Variants in TANGO2 observed in about 807,000 individuals in gnomAD.
TANGO2 encodes transport and Golgi organization protein 2 homolog.
A neutral mutation model predicts 39.1 loss-of-function variants in TANGO2; 26 were observed. The ratio of observed to expected loss-of-function variants is 0.67; its 90% CI spans 0.49 to 0.92. The LOEUF (loss-of-function observed/expected upper bound fraction) is 0.92, where lower values mean the gene tolerates loss of function less well. TANGO2 is among the 40% of genes least tolerant of loss of function. TANGO2 has a pLI of 0.00. For missense variants in TANGO2, 326 were observed against 360.1 expected (o/e 0.91, Z 0.77); for synonymous variants, 131 against 144.5 (o/e 0.91, Z 0.67).
intron 2 of TANGO2, among the ~76,000 whole-genome samples, chr22:20,039,057 C>A (rs996804652): frequency 2.0e-5 from 3 of 151,616 alleles, no homozygotes; most frequent in African/African-American, 7.3e-5. Flanking sequence ...CCTCCCACTT[C>A]AGCATGCCTA....
chr22:20,031,576 T>TC (rs2041882782), intron 1 of TANGO2, among the ~76,000 whole-genome samples: 1 of 152,206 alleles, frequency 6.6e-6, no homozygotes, highest in African/African-American at 2.4e-5. Context: ...GGCTCTTCCA[T>TC]CCCTGTGGGC....
intron 2 of TANGO2, among the ~76,000 whole-genome samples, chr22:20,041,291 G>A (rs564502524): frequency 1.3e-5 from 2 of 150,310 alleles, no homozygotes; most frequent in South Asian, 2.1e-4. Context: ...GATTACAGGC[G>A]CCCGCCACCA....
chr22:20,050,843 T>G (rs1354410851), intron 3 of TANGO2, among the ~76,000 whole-genome samples: 1 of 80,292 alleles, frequency 1.2e-5, no homozygotes. Flanking sequence ...TTTTGTTGGG[T>G]TTTTTTTTTT....
intron 6 of TANGO2, chr22:20,056,268 G>A (rs2047322744): frequency 1.5e-6 from 1 of 667,944 alleles, no homozygotes; most frequent in African/African-American, 1.8e-5. Flanking sequence ...TCCCACCGCA[G>A]CCCTGCAGCC....
chr22:20,028,253 A>G (rs1341580397), intron 1 of TANGO2, among the ~76,000 whole-genome samples: 1 of 152,186 alleles, frequency 6.6e-6, no homozygotes, highest in Non-Finnish European at 1.5e-5. Context: ...TTGGGACCAC[A>G]GGCATATGCC....
Position 20,064,548 on chromosome 22 carries a change from C to T in TANGO2, c.717C>T (p.Asn239=), listed in dbSNP as rs1348171887. 4.3e-6 allele frequency: 7 copies of T among 1,614,142 alleles called. No homozygotes were observed. The highest frequency in any genetic ancestry group is 4.5e-5 in the East Asian group (2 of 44,890). The change falls in exon 9 of 9, where the codon AAC becomes AAT. Residue 239 remains asparagine (N), a synonymous_variant. Coordinates refer to ENST00000327374, the MANE Select transcript of TANGO2 (RefSeq NM_152906.7). ...VRCPGYGTRT[N]TIILVDADGH... ...GGCCCCTGCTCTCTTTCAGAACCAA[C>T]ACTATCATCCTGGTAGATGCGGACG...
At chr22:20,063,705 A>C in intron 8 of TANGO2, 1 of 405,928 alleles carries the variant, frequency 2.5e-6, no homozygotes, top group Admixed American at 4.3e-5. Context: ...ACATTGGTGG[A>C]TCCCTGCGGG....
chr22:20,051,318 G>A (rs999991304), intron 3 of TANGO2, among the ~76,000 whole-genome samples: 10 of 151,766 alleles, frequency 6.6e-5, no homozygotes, highest in Admixed American at 5.9e-4. Context: ...GATCACCTGA[G>A]GTTGGGAATT....
chr22:20,043,265 C>T, intron 2 of TANGO2, 90 bp from the exon 3 acceptor site: 2 of 933,238 alleles, frequency 2.1e-6, no homozygotes, highest in South Asian at 1.5e-5. Flanking sequence ...GCCCTTGTTG[C>T]CACTGAGGCC....
At chr22:20,044,531 ATCAG>A (rs58869116) in intron 3 of TANGO2, among the ~76,000 whole-genome samples, 7,422 of 149,652 alleles carry the variant, frequency 0.05, 214 homozygotes, top group African/African-American at 0.058. Context: ...GTCTCATTCA[ATCAG>A]TCAATCAATC....
Position 20,063,323 on chromosome 22 carries a change from C to G in TANGO2, c.606-15C>G, listed in dbSNP as rs368539640. 1.2e-6 allele frequency: 2 copies of G among 1,611,462 alleles called. No individual in the cohort carries two copies. Among genetic ancestry groups the G allele is most frequent in the African/African-American group, 1.3e-5 (1 of 75,036 alleles). The stretch of plus-strand genomic sequence containing the variant: ...ACAGAGGGACTAATGGCCACCACTT[C>G]TCTCCATCCTGCAGGCAGCTGCCAG... On this transcript the variant is annotated splice_polypyrimidine_tract_variant and intron_variant, in intron 7 of 8. Transcript: ENST00000327374.
chr22:20,043,508 G>A (rs749668057), intron 3 of TANGO2, 65 bp downstream of exon 3: 37 of 1,157,304 alleles, frequency 3.2e-5, no homozygotes, highest in Non-Finnish European at 4.1e-5. Context: ...TGCGTGGCCC[G>A]AGTGACCCTA....
Position 20,056,009 on chromosome 22 carries a change from G to C in TANGO2, c.447G>C (p.Thr149=), listed in dbSNP as rs748065937. ...GGGAGCCTGATCCTATCGTTTTGAC[G>C]CCAGGTGAGCCTGCCCTGGCAGCCT... The part of the protein sequence containing the change: ...NRGEPDPIVL[T]PGTYGLSNAL... The change falls in exon 6 of 9, where the codon ACG becomes ACC. Residue 149 remains threonine (T), a synonymous_variant. Coordinates refer to ENST00000327374, the MANE Select transcript of TANGO2 (RefSeq NM_152906.7). 1 of 1,613,690 alleles carries C rather than the reference G, an allele frequency of 6.2e-7. No homozygotes were observed. The highest frequency in any genetic ancestry group is 8.5e-7 in the Non-Finnish European group (1 of 1,179,580).
At chr22:20,042,789 G>A (rs1448285726) in intron 2 of TANGO2, among the ~76,000 whole-genome samples, 1 of 151,966 alleles carries the variant, frequency 6.6e-6, no homozygotes, top group African/African-American at 2.4e-5. Flanking sequence ...AATAAAAATG[G>A]AAATATTTGT....
At chr22:20,025,883 C>T (rs2040644981) in intron 1 of TANGO2, among the ~76,000 whole-genome samples, 2 of 152,206 alleles carry the variant, frequency 1.3e-5, no homozygotes, top group Admixed American at 6.5e-5. Flanking sequence ...GCCCTCCAGA[C>T]ACCTGAGAAT....
intron 3 of TANGO2, among the ~76,000 whole-genome samples, chr22:20,045,873 A>G (rs2045078224): frequency 6.6e-6 from 1 of 150,454 alleles, no homozygotes; most frequent in Middle Eastern, 3.2e-3. Context: ...ACACACATAT[A>G]TTAGTTCACT....
At chr22:20,026,792 CT>C (rs2040850092) in intron 1 of TANGO2, among the ~76,000 whole-genome samples, 1 of 152,206 alleles carries the variant, frequency 6.6e-6, no homozygotes, top group Non-Finnish European at 1.5e-5. Flanking sequence ...ATTTCCCACA[CT>C]GCATACACCC....
chr22:20,052,003 T>C (rs1018271368), intron 3 of TANGO2, among the ~76,000 whole-genome samples: 1 of 152,224 alleles, frequency 6.6e-6, no homozygotes, highest in African/African-American at 2.4e-5. Context: ...CAGTGGCCCA[T>C]GCCCTGCAGA....
intron 1 of TANGO2, among the ~76,000 whole-genome samples, chr22:20,023,841 G>A (rs1169179807): frequency 1.4e-5 from 2 of 144,354 alleles, no homozygotes; most frequent in Non-Finnish European, 3.0e-5. Context: ...CTGGGCAACA[G>A]AGCGAAACTC....
Sources: allele counts gnomAD v4.1 joint callset (sites outside exome capture counted in the v4.1 genomes callset), GRCh38; gene constraint gnomAD v4.1.1; transcripts MANE v1.5; gene names NCBI Gene and HGNC (gene_info 2026-07-23, HGNC 2026-07-21).